Variants in FBXO11 observed in about 807,000 individuals in gnomAD.
FBXO11 encodes F-box protein 11, also known as F-box only protein 11.
In FBXO11, 13 loss-of-function variants were observed where a neutral mutation model predicts 117.0. The ratio of observed to expected loss-of-function variants is 0.11; its 90% CI spans 0.07 to 0.18. The LOEUF (loss-of-function observed/expected upper bound fraction) is 0.18, where lower values mean the gene tolerates loss of function less well. Among genes scored for constraint, FBXO11 ranks in the 10% least tolerant of loss-of-function variants. The pLI is 1.00. For synonymous variants in FBXO11, 490 were observed against 380.5 expected, an observed-to-expected ratio of 1.29 and a Z score of -3.35; for missense variants, 767 against 1,164.4, an observed-to-expected ratio of 0.66 and a Z score of 4.97.
chr2:47,851,446 C>A (rs1334805110), intron 1 of FBXO11, among the ~76,000 whole-genome samples: 1 of 152,122 alleles, frequency 6.6e-6, no homozygotes, highest in Non-Finnish European at 1.5e-5. Flanking sequence ...CCAGGCTGGT[C>A]TCGAATTCCT....
intron 1 of FBXO11, among the ~76,000 whole-genome samples, chr2:47,870,192 T>C (rs773610161): frequency 4.6e-5 from 7 of 152,228 alleles, no homozygotes; most frequent in Non-Finnish European, 7.3e-5. Context: ...GTTCTGCTTC[T>C]CCAGAGAACC....
intron 11 of FBXO11, among the ~76,000 whole-genome samples, chr2:47,824,723 G>C (rs1264859884): frequency 6.6e-6 from 1 of 152,158 alleles, no homozygotes; most frequent in Non-Finnish European, 1.5e-5. Flanking sequence ...AGATGATTAT[G>C]AGTGGTGGAA....
intron 1 of FBXO11, among the ~76,000 whole-genome samples, chr2:47,887,122 C>A (rs759617304): frequency 2.0e-5 from 3 of 151,914 alleles, no homozygotes; most frequent in Non-Finnish European, 4.4e-5. Flanking sequence ...CCCATCTCTA[C>A]TAAAAATACA....
At chr2:47,903,923 A>C (rs1678525220) in intron 1 of FBXO11, among the ~76,000 whole-genome samples, 1 of 152,238 alleles carries the variant, frequency 6.6e-6, no homozygotes, top group Non-Finnish European at 1.5e-5. Context: ...CAAAATGGTA[A>C]ATGTATCAAA....
chr2:47,894,606 A>C lies in FBXO11; in HGVS notation c.232+10883T>G, dbSNP rs79267915. On this transcript the variant is annotated intron_variant, in intron 1 of 22. Transcript: ENST00000403359. ...CACTCCTCAAAGCAACCCAACCTAC[A>C]ATCTTTGAGGGGAAATCAAAGTGAT... Among the ~76,000 whole-genome samples, 69 of 152,294 alleles carry C rather than the reference A, an allele frequency of 4.5e-4. No homozygotes were observed. In the East Asian group the frequency reaches 0.011, roughly 24 times the overall value.
chr2:47,896,877 C>G (rs1449898903), intron 1 of FBXO11, among the ~76,000 whole-genome samples: 1 of 152,126 alleles, frequency 6.6e-6, no homozygotes, highest in Non-Finnish European at 1.5e-5. Context: ...TACTAGCTTT[C>G]AAAATATAGT....
intron 1 of FBXO11, among the ~76,000 whole-genome samples, chr2:47,854,429 G>C (rs2103679997): frequency 6.6e-6 from 1 of 151,692 alleles, no homozygotes; most frequent in East Asian, 1.9e-4. Flanking sequence ...ATTACAACTT[G>C]TAAAAAGTCA....
intron 1 of FBXO11, among the ~76,000 whole-genome samples, chr2:47,900,156 A>C (rs1178833888): frequency 3.9e-5 from 6 of 152,094 alleles, no homozygotes. Flanking sequence ...GCACAACTTT[A>C]ACACTAATAG....
At chr2:47,905,397 GCCGCCCCCGCCCGCCCGCCCGCCCGC>G in intron 1 of FBXO11, 66 bp downstream of exon 1, 3 of 1,076,516 alleles carry the variant, frequency 2.8e-6, no homozygotes, top group Non-Finnish European at 3.4e-6. Context: ...GGGCGCGCAG[GCCGCCCCCGCCCGCCCGCCCGCCCGC>G]CCGCCCCGGC....
At chr2:47,849,268 T>TA (rs1033772259) in intron 1 of FBXO11, among the ~76,000 whole-genome samples, 2 of 152,212 alleles carry the variant, frequency 1.3e-5, no homozygotes, top group Non-Finnish European at 2.9e-5. Context: ...AAGTTATAAT[T>TA]AAAAAAACTT....
chr2:47,822,563 T>C (rs963334839), intron 12 of FBXO11, among the ~76,000 whole-genome samples: 1 of 152,238 alleles, frequency 6.6e-6, no homozygotes, highest in Non-Finnish European at 1.5e-5. Context: ...AAACATTTGA[T>C]GACTATTAAC....
intron 1 of FBXO11, among the ~76,000 whole-genome samples, chr2:47,840,451 CTTTT>C (rs34381400): frequency 7.5e-6 from 1 of 132,674 alleles, no homozygotes. Flanking sequence ...GTATGAACAT[CTTTT>C]TTTTTTTTTT....
At chr2:47,866,498 G>C (rs1209099380) in intron 1 of FBXO11, among the ~76,000 whole-genome samples, 3 of 149,730 alleles carry the variant, frequency 2.0e-5, no homozygotes, top group Non-Finnish European at 4.4e-5. Flanking sequence ...CTTTTGAGAC[G>C]GAGTCTTGCT....
rs1379813748 is a variant in FBXO11 at position 47,905,898 on chromosome 2, G to A, written c.-178C>T. On this transcript the variant is annotated 5_prime_UTR_variant, in exon 1 of 23. Coordinates refer to ENST00000403359, the MANE Select transcript of FBXO11 (RefSeq NM_001190274.2). ...GAGCGGGACCCCGAGTCCGGAGAAAGGCCCGGGTAGACAGACGGAGACCGA... is the reference window on the plus strand; with the variant it reads ...GAGCGGGACCCCGAGTCCGGAGAAAAGCCCGGGTAGACAGACGGAGACCGA... The A allele has an allele frequency of 1.0e-5, 7 of 689,980 alleles. No homozygotes were observed. Among genetic ancestry groups the A allele is most frequent in the Non-Finnish European group, 2.2e-6 (1 of 448,384 alleles). The allele number at this position is 689,980 out of a possible 1,614,324, so 42.7% of individuals were successfully genotyped here.
chr2:47,873,185 C>CA (rs1046131067), intron 1 of FBXO11, among the ~76,000 whole-genome samples: 3 of 152,178 alleles, frequency 2.0e-5, no homozygotes, highest in African/African-American at 7.2e-5. Flanking sequence ...CTCAAGGAGG[C>CA]AGAGGTTTAA....
At chr2:47,819,215 CTTTTG>C (rs1372411476) in intron 14 of FBXO11, 137 bp from the exon 15 acceptor site, 9 of 777,366 alleles carry the variant, frequency 1.2e-5, no homozygotes, top group South Asian at 3.8e-5. Flanking sequence ...TGGCAATATT[CTTTTG>C]TTTTGTTTTG....
chr2:47,819,550 G>A (rs748818584), intron 14 of FBXO11, among the ~76,000 whole-genome samples: 2 of 152,028 alleles, frequency 1.3e-5, no homozygotes, highest in Non-Finnish European at 2.9e-5. Context: ...TGAGTTTTAA[G>A]CTTTCAAAAA....
At chr2:47,895,916 C>T (rs1372616721) in intron 1 of FBXO11, among the ~76,000 whole-genome samples, 3 of 152,060 alleles carry the variant, frequency 2.0e-5, no homozygotes, top group Non-Finnish European at 4.4e-5. Context: ...AGGCTGGTCT[C>T]GAACTCCTGA....
At chr2:47,836,070 T>A in intron 4 of FBXO11, 69 bp from the exon 5 acceptor site, 1 of 1,161,316 alleles carries the variant, frequency 8.6e-7, no homozygotes, top group Non-Finnish European at 1.2e-6. Flanking sequence ...TTTGAACAAC[T>A]ATAACAATTA....
Sources: gnomAD v4.1 joint callset for allele counts (sites outside exome capture counted in the v4.1 genomes callset) on GRCh38, gnomAD v4.1.1 for gene constraint, MANE v1.5 for transcripts, NCBI Gene and HGNC (gene_info 2026-07-23, HGNC 2026-07-21) for gene names.